The following CYFIP1 variants were observed in gnomAD, a reference collection of about 807,000 sequenced individuals.
CYFIP1 encodes the protein cytoplasmic FMR1-interacting protein 1.
CYFIP1 carries 58 observed loss-of-function variants against 163.5 expected under a neutral mutation model. The ratio of observed to expected loss-of-function variants is 0.35; its 90% CI spans 0.29 to 0.44. The LOEUF is 0.44. Ranked by LOEUF, CYFIP1 falls within the 20% of genes least tolerant of loss-of-function variation. The pLI, the probability that CYFIP1 is intolerant of heterozygous loss-of-function variation, is 1.00. For synonymous variants in CYFIP1, 663 were observed against 660.7 expected (o/e 1.00, Z -0.05); for missense variants, 1,338 against 1,653.8 (o/e 0.81, Z 3.31).
intron 23 of CYFIP1, among the ~76,000 whole-genome samples, chr15:22,891,781 C>T (rs1324554439): frequency 6.6e-6 from 1 of 152,226 alleles, no homozygotes; most frequent in Non-Finnish European, 1.5e-5. Context: ...GCCCAAAGGA[C>T]TGGAGTGAGA....
At chr15:22,891,770 C>T (rs1434892553) in intron 23 of CYFIP1, among the ~76,000 whole-genome samples, 11 of 152,208 alleles carry the variant, frequency 7.2e-5, no homozygotes, top group Admixed American at 5.2e-4. Context: ...AGAAGGAAGA[C>T]GCCCAAAGGA....
Position 22,937,161 on chromosome 15 carries a change from G to A in CYFIP1, c.843C>T (p.Ile281=). 6.2e-7 allele frequency: 1 copy of A among 1,613,616 alleles called. No homozygotes were observed. Among genetic ancestry groups the A allele is most frequent in the Non-Finnish European group, 8.5e-7 (1 of 1,179,550 alleles). Residue 281 remains isoleucine (I), a synonymous_variant, in exon 9 of 31, where the codon ATC becomes ATT. Transcript: ENST00000617928. ...LYLMDGSVSN[I]YKLDAKKRIN... ...TTCTTTTCTTGGCATCCAACTTATA[G>A]ATGTTACTGACACTCCCATCCATCA...
At chr15:22,979,869 C>T (rs1346889170) in intron 1 of CYFIP1, among the ~76,000 whole-genome samples, 3 of 152,220 alleles carry the variant, frequency 2.0e-5, no homozygotes, top group East Asian at 3.9e-4. Context: ...CATTAACAAT[C>T]TGCCTGCTCC....
chr15:22,904,367 G>A (rs978608318), intron 21 of CYFIP1: 1 of 237,354 alleles, frequency 4.2e-6, no homozygotes, highest in African/African-American at 2.3e-5. Flanking sequence ...GGCCTTGCAA[G>A]CCCTCACGTG....
chr15:22,958,393 CA>C (rs1270634446), intron 1 of CYFIP1, among the ~76,000 whole-genome samples: 2 of 152,140 alleles, frequency 1.3e-5, no homozygotes, highest in Non-Finnish European at 2.9e-5. Flanking sequence ...CTTTAATGCA[CA>C]AAAACTTCAA....
intron 23 of CYFIP1, among the ~76,000 whole-genome samples, chr15:22,884,630 T>TGG (rs2059878821): frequency 6.6e-6 from 1 of 152,108 alleles, no homozygotes; most frequent in Non-Finnish European, 1.5e-5. Context: ...ACAAGCTGAC[T>TGG]GGGGTCTGGA....
intron 1 of CYFIP1, among the ~76,000 whole-genome samples, chr15:22,978,866 G>A (rs909960292): frequency 6.6e-6 from 1 of 152,138 alleles, no homozygotes; most frequent in Admixed American, 6.5e-5. Flanking sequence ...GAACAGACAG[G>A]CGGCTGCAAG....
In CYFIP1 at chr15:22,932,308, T is replaced by G. The variant is rs1325254373; in HGVS notation, c.1025A>C (p.Gln342Pro). The G allele has an allele frequency of 6.2e-7, 1 of 1,611,006 alleles. No homozygotes were observed. The change falls in exon 11 of 31, where the codon CAG becomes CCG. Residue 342 changes from glutamine (Q) to proline (P), a missense_variant. Coordinates refer to ENST00000617928, the MANE Select transcript of CYFIP1 (RefSeq NM_014608.6). ...GATCATCTGCTCGCAGATGTTGTAC[T>G]GAGGGCTGCTGCCGGAGGATGTGCA... ...WTCTSSGSSP[Q>P]YNICEQMIQI...
chr15:22,930,451 T>C lies in CYFIP1; in HGVS notation c.1110+1772A>G, dbSNP rs908270935. Among the ~76,000 whole-genome samples, 3 of 141,578 alleles carry C rather than the reference T, an allele frequency of 2.1e-5. No individual in the cohort carries two copies. In the Admixed American group the frequency reaches 2.2e-4, roughly 10 times the overall value. 92.9% of individuals were successfully genotyped at this position (141,578 alleles called of 152,430 possible). ...AAAACTGATTTGTTACCTTAGACAA[T>C]GCCAGAGAAACAATTACAGTCAGAT... On this transcript the variant is annotated intron_variant, in intron 11 of 30. Transcript: ENST00000617928.
chr15:22,955,097 G>A (rs893420555), intron 1 of CYFIP1, among the ~76,000 whole-genome samples: 6 of 152,230 alleles, frequency 3.9e-5, no homozygotes, highest in African/African-American at 1.4e-4. Context: ...GGTTCCCAGT[G>A]CCACCCACTT....
At chr15:22,974,951 C>A (rs1416452648) in intron 1 of CYFIP1, among the ~76,000 whole-genome samples, 1 of 151,900 alleles carries the variant, frequency 6.6e-6, no homozygotes, top group Non-Finnish European at 1.5e-5. Flanking sequence ...CCCAAGACAG[C>A]AAAACCAACC....
chr15:22,928,293 G>A (rs985865454), intron 11 of CYFIP1, among the ~76,000 whole-genome samples: 2 of 152,178 alleles, frequency 1.3e-5, no homozygotes, highest in African/African-American at 4.8e-5. Flanking sequence ...TGAGGCAGGA[G>A]AATGGCGTGA....
Position 22,917,680 on chromosome 15 carries a change from AGGCAGC to A in CYFIP1, c.1674+102_1674+107del. ...CAGGCGCCACTTTCTCTGCCTGAGC[AGGCAGC>A]GAGGACCTCATTTAACCCGGGCCTC... is the stretch of plus-strand genomic sequence containing the variant. On this transcript the variant is annotated intron_variant, in intron 15 of 30. Transcript: ENST00000617928. The surrounding 1 kb of genome is among the most constrained non-coding windows in gnomAD (Gnocchi z 4.2). The A allele has an allele frequency of 6.1e-6, 8 of 1,304,872 alleles. No individual in the cohort carries two copies. Among genetic ancestry groups the A allele is most frequent in the Non-Finnish European group, 8.2e-6 (8 of 977,338 alleles). The allele number at this position is 1,304,872 out of a possible 1,614,324, so 80.8% of individuals were successfully genotyped here.
intron 1 of CYFIP1, among the ~76,000 whole-genome samples, chr15:22,972,719 A>C (rs182746660): frequency 3.3e-4 from 50 of 152,312 alleles, no homozygotes; most frequent in Non-Finnish European, 5.9e-4. Flanking sequence ...AAATGAATTA[A>C]AGACTTAAAT....
chr15:22,952,677 G>GAAAAAAAAAAAAAAAAAAAAA (rs2062296827), intron 1 of CYFIP1, among the ~76,000 whole-genome samples: 1 of 31,192 alleles, frequency 3.2e-5, no homozygotes, highest in African/African-American at 1.2e-4. Flanking sequence ...AAAAAAAAAG[G>GAAAAAAAAAAAAAAAAAAAAA]TAAACATGGG....
chr15:22,886,402 T>C (rs946755754), intron 23 of CYFIP1, among the ~76,000 whole-genome samples: 2 of 152,114 alleles, frequency 1.3e-5, no homozygotes, highest in Non-Finnish European at 2.9e-5. Flanking sequence ...TTTAGCTGTA[T>C]ACCAAATAAA....
In CYFIP1 at chr15:22,937,154, A is replaced by G. The variant is rs938950429; in HGVS notation, c.850T>C (p.Leu284=). 3 of 1,613,824 alleles carry G rather than the reference A, an allele frequency of 1.9e-6. No homozygotes were observed. Among genetic ancestry groups the G allele is most frequent in the South Asian group, 2.2e-5 (2 of 91,064 alleles). ...AAGTTTATTCTTTTCTTGGCATCCA[A>G]CTTATAGATGTTACTGACACTCCCA... ...MDGSVSNIYK[L]DAKKRINLSK... is the part of the protein sequence containing the mutation. The change falls in exon 9 of 31, where the codon TTG becomes CTG. Residue 284 remains leucine, a synonymous_variant. Coordinates refer to ENST00000617928, the MANE Select transcript of CYFIP1 (RefSeq NM_014608.6).
intron 23 of CYFIP1, among the ~76,000 whole-genome samples, chr15:22,885,665 G>A (rs1231196536): frequency 6.6e-6 from 1 of 152,096 alleles, no homozygotes; most frequent in African/African-American, 2.4e-5. Context: ...CCTGGGAGGC[G>A]GAGGTTGCAG....
intron 22 of CYFIP1, among the ~76,000 whole-genome samples, chr15:22,903,180 C>T (rs151036851): frequency 6.6e-5 from 10 of 152,224 alleles, no homozygotes; most frequent in East Asian, 5.8e-4. Flanking sequence ...CCCTGGCACG[C>T]GCTGACACTG....
Sources: gnomAD v4.1 joint callset for allele counts (sites outside exome capture counted in the v4.1 genomes callset) on GRCh38, gnomAD v4.1.1 for gene constraint, Gnocchi (gnomAD v3.1) non-coding constraint, MANE v1.5 for transcripts, NCBI Gene and HGNC (gene_info 2026-07-23, HGNC 2026-07-21) for gene names.